The following RCC1L variants were observed in gnomAD, a reference collection of about 807,000 sequenced individuals.
RCC1L encodes the protein RCC1 like, also known as RCC1-like G exchanging factor-like protein.
RCC1L carries 46 observed loss-of-function variants against 58.6 expected under a neutral mutation model. The observed-to-expected ratio is 0.79, with a 90% CI of 0.62 to 1.00. The LOEUF (loss-of-function observed/expected upper bound fraction) is 1.00. RCC1L is among the 50% of genes least tolerant of loss of function. The pLI, the probability that RCC1L is intolerant of heterozygous loss-of-function variation, is 0.00. For missense variants in RCC1L, 636 were observed against 623.6 expected (o/e 1.02, Z -0.21); for synonymous variants, 281 against 262.9 (o/e 1.07, Z -0.67).
In RCC1L at chr7:75,042,994, G is replaced by C; in HGVS notation, c.*38C>G. Reference sequence around the variant, plus strand: ...TGGCCTCTGCCAAGGAGTGCCAGTGGTTCCCGGGACGGGGCCGCCCAAGCA... The same window carrying C: ...TGGCCTCTGCCAAGGAGTGCCAGTGCTTCCCGGGACGGGGCCGCCCAAGCA... On this transcript the variant is annotated 3_prime_UTR_variant, in exon 11 of 11. Transcript: ENST00000610322. 1 of 1,613,966 alleles carries C rather than the reference G, an allele frequency of 6.2e-7. No individual in the cohort carries two copies. Among genetic ancestry groups the C allele is most frequent in the Non-Finnish European group, 8.5e-7 (1 of 1,179,854 alleles).
intron 10 of RCC1L, among the ~76,000 whole-genome samples, chr7:75,050,745 C>A (rs1043046119): frequency 1.3e-5 from 2 of 152,122 alleles, no homozygotes; most frequent in African/African-American, 4.8e-5. Flanking sequence ...AGGAGAAAGC[C>A]GGCAAGCCCC....
downstream of RCC1L, among the ~76,000 whole-genome samples, chr7:75,041,288 T>C (rs782543973): frequency 2.0e-5 from 3 of 152,034 alleles, no homozygotes; most frequent in Non-Finnish European, 4.4e-5. Flanking sequence ...TCCTCCTGCT[T>C]TCTCTCAACG....
intron 3 of RCC1L, among the ~76,000 whole-genome samples, chr7:75,066,227 G>A (rs1193107910): frequency 3.3e-5 from 5 of 151,846 alleles, no homozygotes; most frequent in African/African-American, 7.3e-5. Context: ...TAAGGCGGGC[G>A]GATCACGAGG....
At chr7:75,041,481 A>G (rs905012096), downstream of RCC1L, among the ~76,000 whole-genome samples, 2 of 152,162 alleles carry the variant, frequency 1.3e-5, no homozygotes, top group African/African-American at 4.8e-5. Context: ...AAAGGCAGAC[A>G]GGGCATGGGA....
At position 75,056,450 on chromosome 7, in the gene RCC1L, T is replaced by C. The variant is rs1225998123; in HGVS notation, c.1058-376A>G. ...CTAATGACAGCTCTGTGTTTCACAC[T>C]GATCAGAAGGCCAAACACATCAACA... On this transcript the variant is annotated intron_variant, in intron 8 of 10. Coordinates refer to ENST00000610322, the MANE Select transcript of RCC1L (RefSeq NM_030798.5). 1.4e-5 allele frequency: 19 copies of C among 1,368,786 alleles called. No homozygotes were observed. In the African/African-American group the frequency reaches 1.8e-4, roughly 13 times the overall value. 84.8% of individuals were successfully genotyped at this position (1,368,786 alleles called of 1,614,324 possible). A position where few individuals can be genotyped will look rare whatever the true frequency, so the allele number is the denominator to read the frequency against.
chr7:75,053,480 C>A (rs1805983731), intron 9 of RCC1L, among the ~76,000 whole-genome samples: 2 of 152,178 alleles, frequency 1.3e-5, no homozygotes, highest in Non-Finnish European at 2.9e-5. Flanking sequence ...GAGCATTCAG[C>A]CACAGGGCAT....
chr7:75,053,811 T>C (rs1805992385), intron 9 of RCC1L, among the ~76,000 whole-genome samples: 1 of 152,160 alleles, frequency 6.6e-6, no homozygotes, highest in Admixed American at 6.6e-5. Flanking sequence ...CTGGGGCTGA[T>C]GAAGTACGGA....
chr7:75,073,443 C>T lies in RCC1L; in HGVS notation c.295G>A (p.Val99Met). The T allele has an allele frequency of 3.0e-6, 4 of 1,351,048 alleles. No homozygotes were observed. Among genetic ancestry groups the T allele is most frequent in the South Asian group, 1.7e-5 (1 of 57,832 alleles). 83.7% of individuals were successfully genotyped at this position (1,351,048 alleles called of 1,614,324 possible). Reference protein sequence around the residue: ...GARPRRRIQPVPYRLELDQKI... With the variant: ...GARPRRRIQPMPYRLELDQKI... ...TGGTCCAGCTCCAGGCGATAGGGCACGGGCTGGATCCTGCGGCGCGGTCGG... is the reference window on the plus strand; with the variant it reads ...TGGTCCAGCTCCAGGCGATAGGGCATGGGCTGGATCCTGCGGCGCGGTCGG... The change falls in exon 1 of 11, where the codon GTG becomes ATG. Residue 99 changes from valine (V) to methionine (M), a missense_variant. Physicochemically the swap from Val to Met is conservative, Grantham distance 21. Transcript: ENST00000610322.
At chr7:75,066,907 T>C in intron 2 of RCC1L, 115 bp from the exon 3 acceptor site, 2 of 1,368,406 alleles carry the variant, frequency 1.5e-6, no homozygotes, top group Non-Finnish European at 1.9e-6. Flanking sequence ...GAAAGACTCA[T>C]CAAGACAGGT....
chr7:75,057,114 A>G (rs1193923965), intron 8 of RCC1L, among the ~76,000 whole-genome samples: 1 of 152,134 alleles, frequency 6.6e-6, no homozygotes, highest in African/African-American at 2.4e-5. Context: ...CTAGGATTAC[A>G]AGCATGTACC....
intron 5 of RCC1L, among the ~76,000 whole-genome samples, chr7:75,062,657 C>A (rs1324983307): frequency 2.0e-5 from 3 of 152,216 alleles, no homozygotes; most frequent in Non-Finnish European, 4.4e-5. Flanking sequence ...ATAAATATTT[C>A]AATGCACATA....
intron 10 of RCC1L, among the ~76,000 whole-genome samples, chr7:75,031,651 C>T (rs1244056307): frequency 6.6e-6 from 1 of 151,896 alleles, no homozygotes; most frequent in East Asian, 1.9e-4. Flanking sequence ...TAGAAAAACA[C>T]CCAGAATTTG....
rs587622056 is a variant in RCC1L at position 75,064,562 on chromosome 7, T to C, written c.650+20A>G. On this transcript the variant is annotated intron_variant, in intron 4 of 10. Coordinates refer to ENST00000610322, the MANE Select transcript of RCC1L (RefSeq NM_030798.5). ...ACACTTAACTCAACATGGGGAAGGG[T>C]AGGCCTTTTAGGAACTCACCTGTAA... 433 of 1,613,472 alleles carry C rather than the reference T, an allele frequency of 2.7e-4. 1 individual carries two copies. The African/African-American group carries it at 4.9e-3, about 18-fold the overall frequency.
At chr7:75,040,419 C>T (rs1344918075), downstream of RCC1L, among the ~76,000 whole-genome samples, 96 of 152,222 alleles carry the variant, frequency 6.3e-4, no homozygotes, top group South Asian at 5.0e-3. Flanking sequence ...GAGATCATGC[C>T]ACTGCACTCC....
At chr7:75,063,838 T>G (rs983320491) in intron 4 of RCC1L, among the ~76,000 whole-genome samples, 55 of 151,938 alleles carry the variant, frequency 3.6e-4, no homozygotes, top group Non-Finnish European at 5.6e-4. Flanking sequence ...GAGAATCGCT[T>G]GAACTTGGGA....
chr7:75,052,576 G>A (rs1237847226), intron 10 of RCC1L, 135 bp downstream of exon 10: 7 of 777,522 alleles, frequency 9.0e-6, no homozygotes, highest in African/African-American at 5.1e-5. Context: ...CGCTGCAGGA[G>A]TGCAGCCAGG....
Position 75,042,675 on chromosome 7 carries a change from A to G in RCC1L, c.*357T>C. ...AGACTGCCATGACAGACAGAGCAGA[A>G]ACCTCCCGAGCACTGTGTTCAAGCT... On this transcript the variant is annotated 3_prime_UTR_variant, in exon 11 of 11. Transcript: ENST00000610322. The G allele has an allele frequency of 8.7e-7, 1 of 1,153,572 alleles. No homozygotes were observed. Among genetic ancestry groups the G allele is most frequent in the Non-Finnish European group, 1.1e-6 (1 of 930,966 alleles). 71.5% of individuals were successfully genotyped at this position (1,153,572 alleles called of 1,614,324 possible).
intron 9 of RCC1L, among the ~76,000 whole-genome samples, chr7:75,053,909 T>G (rs1241122600): frequency 6.6e-6 from 1 of 152,160 alleles, no homozygotes; most frequent in Non-Finnish European, 1.5e-5. Flanking sequence ...GTGTGTGTGT[T>G]TGTTTGCTTT....
rs927903052 is a variant in RCC1L, at chr7:75,061,078, A to G, written c.787+129T>C. 6 of 823,476 alleles carry G rather than the reference A, an allele frequency of 7.3e-6. No individual in the cohort carries two copies. The African/African-American group carries it at 1.0e-4, about 14-fold the overall frequency. 51.0% of individuals were successfully genotyped at this position (823,476 alleles called of 1,614,324 possible). A position where few individuals can be genotyped will look rare whatever the true frequency, so the allele number is the denominator to read the frequency against. ...GATGGAGCCAAGAATAGTGTTCCTC[A>G]GAAAGTGATAAGAGGTAAGAGCTGA... On this transcript the variant is annotated intron_variant, in intron 6 of 10. Coordinates refer to ENST00000610322, the MANE Select transcript of RCC1L (RefSeq NM_030798.5).
Sources: gnomAD v4.1 joint callset for allele counts (sites outside exome capture counted in the v4.1 genomes callset) on GRCh38, gnomAD v4.1.1 for gene constraint, MANE v1.5 for transcripts, NCBI Gene and HGNC (gene_info 2026-07-23, HGNC 2026-07-21) for gene names.